CPPED1: variants seen among roughly 807,000 people sequenced by gnomAD.
CPPED1 encodes calcineurin like phosphoesterase domain containing 1.
A neutral mutation model predicts 28.0 loss-of-function variants in CPPED1; 28 were observed. The ratio of observed to expected loss-of-function variants is 1.00; its 90% confidence interval spans 0.74 to 1.37. The LOEUF is 1.37. Ranked by LOEUF, CPPED1 falls within the 40% of genes most tolerant of loss-of-function variation. CPPED1 has a pLI of 0.00. For missense variants in CPPED1, 504 were observed against 416.5 expected (o/e 1.21, Z -1.83); for synonymous variants, 198 against 180.2 (o/e 1.10, Z -0.79).
chr16:12,663,432 G>A lies in CPPED1; in HGVS notation c.*1454C>T, dbSNP rs1274958995. The A allele has an allele frequency of 1.3e-5, 2 of 152,106 alleles. No homozygotes were observed. The highest frequency in any genetic ancestry group is 1.3e-4 in the Admixed American group (2 of 15,252). The allele number at this position is 152,106 out of a possible 1,614,324, so 9.4% of individuals were successfully genotyped here. Reference sequence around the variant, plus strand: ...TTGACCTCCTATACCTACACCTGTTGTAAAGAAACAAATACAAAACAGGAT... The same window carrying A: ...TTGACCTCCTATACCTACACCTGTTATAAAGAAACAAATACAAAACAGGAT... On this transcript the variant is annotated 3_prime_UTR_variant, in exon 4 of 4. Coordinates refer to ENST00000381774, the MANE Select transcript of CPPED1 (RefSeq NM_018340.3).
At chr16:12,674,532 C>A (rs182522552) in intron 3 of CPPED1, among the ~76,000 whole-genome samples, 87 of 152,258 alleles carry the variant, frequency 5.7e-4, no homozygotes, top group African/African-American at 1.9e-3. Flanking sequence ...GTAAGGGCAA[C>A]CGCTCCAGGT....
chr16:12,715,646 C>A (rs8044840), intron 2 of CPPED1, among the ~76,000 whole-genome samples: 2 of 151,932 alleles, frequency 1.3e-5, no homozygotes, highest in African/African-American at 2.4e-5. Context: ...AGCAACAGAG[C>A]GAGACTCCAT....
chr16:12,664,720 A>G lies in CPPED1; in HGVS notation c.*166T>C, dbSNP rs765744731. On this transcript the variant is annotated 3_prime_UTR_variant, in exon 4 of 4. Coordinates refer to ENST00000381774, the MANE Select transcript of CPPED1 (RefSeq NM_018340.3). This position sits in a 1 kb window ranked among gnomAD's most constrained non-coding sequence, Gnocchi z 4.2. ...AAGGAAATGCAGTTCTATTTTGAAT[A>G]TAATTCAGGACAGGGCCCCAGCTCT... 7.5e-5 allele frequency: 110 copies of G among 1,458,574 alleles called. No individual in the cohort carries two copies. Among genetic ancestry groups the G allele is most frequent in the Non-Finnish European group, 9.7e-5 (108 of 1,117,992 alleles). The allele number at this position is 1,458,574 out of a possible 1,614,324, so 90.4% of individuals were successfully genotyped here. A position where few individuals can be genotyped will look rare whatever the true frequency, so the allele number is the denominator to read the frequency against.
intron 2 of CPPED1, among the ~76,000 whole-genome samples, chr16:12,774,653 G>A (rs776634647): frequency 2.9e-4 from 44 of 152,170 alleles, no homozygotes; most frequent in Admixed American, 5.9e-4. Flanking sequence ...ATGTTGAAAC[G>A]TAATCCCCAG....
Position 12,670,588 on chromosome 16 carries a change from T to C in CPPED1, c.716-5473A>G, listed in dbSNP as rs1308146227. ...GATAAGTCACATGATTAGTATGTGC[T>C]CTTGATATGAATGTGATAGAAATGG... On this transcript the variant is annotated intron_variant, in intron 3 of 3. Coordinates refer to ENST00000381774, the MANE Select transcript of CPPED1 (RefSeq NM_018340.3). This position sits in a 1 kb window ranked among gnomAD's most constrained non-coding sequence, Gnocchi z 4.2. Among the ~76,000 whole-genome samples, 1 of 152,182 alleles carries C rather than the reference T, an allele frequency of 6.6e-6. No homozygotes were observed. The highest frequency in any genetic ancestry group is 1.5e-5 in the Non-Finnish European group (1 of 68,032).
At chr16:12,679,106 C>A (rs1222447926) in intron 3 of CPPED1, among the ~76,000 whole-genome samples, 1 of 152,142 alleles carries the variant, frequency 6.6e-6, no homozygotes, top group Non-Finnish European at 1.5e-5. Context: ...AAAAGCCTTG[C>A]AAAGATTAAA....
At chr16:12,731,682 C>A (rs1244169782) in intron 2 of CPPED1, among the ~76,000 whole-genome samples, 1 of 151,612 alleles carries the variant, frequency 6.6e-6, no homozygotes, top group Non-Finnish European at 1.5e-5. Context: ...GGCCTCCCTC[C>A]CCCGCATTTG....
intron 2 of CPPED1, among the ~76,000 whole-genome samples, chr16:12,761,542 A>G (rs1421601546): frequency 6.6e-6 from 1 of 152,222 alleles, no homozygotes; most frequent in Non-Finnish European, 1.5e-5. Context: ...AATTTCTAGT[A>G]GCCGCTTAGG....
Position 12,687,981 on chromosome 16 carries a change from T to C in CPPED1, c.715+16643A>G, listed in dbSNP as rs533956401. 2.1e-3 allele frequency among the ~76,000 whole-genome samples: 310 copies of C among 150,578 alleles called. 1 individual carries two copies. Among genetic ancestry groups the C allele is most frequent in the African/African-American group, 7.4e-3 (305 of 41,190 alleles). ...GAAGGAAGAAGAAGGAGGAATGGAA[T>C]GTCACTAACATGAAAGTCACAAGGC... On this transcript the variant is annotated intron_variant, in intron 3 of 3. Transcript: ENST00000381774.
In CPPED1 at chr16:12,663,061, G is replaced by GT. The variant is rs3074348; in HGVS notation, c.*1824dup. On this transcript the variant is annotated 3_prime_UTR_variant, in exon 4 of 4. Transcript: ENST00000381774. ...TCAAGTCTCAATGTGTGTGTGTGTG[G>GT]TTTTTTTTTTTTTTTTTTGAGACAG... The GT allele has an allele frequency of 0.12, 15,652 of 130,942 alleles. 2,258 individuals carry two copies. The highest frequency in any genetic ancestry group is 0.35 in the African/African-American group (12,339 of 35,548). 8.1% of individuals were successfully genotyped at this position (130,942 alleles called of 1,614,324 possible). A position where few individuals can be genotyped will look rare whatever the true frequency, so the allele number is the denominator to read the frequency against.
At chr16:12,683,076 A>G (rs1447949611) in intron 3 of CPPED1, among the ~76,000 whole-genome samples, 2 of 152,224 alleles carry the variant, frequency 1.3e-5, no homozygotes, top group Non-Finnish European at 2.9e-5. Context: ...AATTTGTTCA[A>G]GATGAAATTT....
At chr16:12,703,937 C>T (rs887040661) in intron 3 of CPPED1, among the ~76,000 whole-genome samples, 5 of 152,052 alleles carry the variant, frequency 3.3e-5, no homozygotes, top group African/African-American at 1.2e-4. Flanking sequence ...TCATTCTGTG[C>T]GTGCACGTGT....
intron 2 of CPPED1, among the ~76,000 whole-genome samples, chr16:12,745,371 G>A (rs938289515): frequency 2.8e-4 from 42 of 152,144 alleles, no homozygotes; most frequent in African/African-American, 9.2e-4. Flanking sequence ...ACATGCATGC[G>A]AATGTGCACT....
rs188400950 is a variant in CPPED1 at position 12,735,298 on chromosome 16, A to T, written c.290-30249T>A. Among the ~76,000 whole-genome samples the T allele has an allele frequency of 6.7e-3, 1,019 of 152,220 alleles. 6 individuals carry two copies. Among genetic ancestry groups the T allele is most frequent in the Middle Eastern group, 0.034 (10 of 294 alleles). ...CCAATGGCCCCTTCCCCAAAAATAT[A>T]TATATTTTTTTTAGATGGAGTCTTG... is the stretch of plus-strand genomic sequence containing the variant. On this transcript the variant is annotated intron_variant, in intron 2 of 3. Transcript: ENST00000381774.
intron 2 of CPPED1, among the ~76,000 whole-genome samples, chr16:12,710,755 A>G (rs1235320152): frequency 6.6e-6 from 1 of 152,244 alleles, no homozygotes; most frequent in East Asian, 1.9e-4. Flanking sequence ...ACGACTACTT[A>G]TTAAAGAAAT....
chr16:12,704,935 G>T lies in CPPED1; in HGVS notation c.404C>A (p.Thr135Lys), dbSNP rs758255991. ...GCAGAACTCCTCGACGGTCTCGGCCGTGGGGGTGTTGCCAATGTCATGGTT... is the reference window on the plus strand; with the variant it reads ...GCAGAACTCCTCGACGGTCTCGGCCTTGGGGGTGTTGCCAATGTCATGGTT... ...SGNHDIGNTP[T>K]AETVEEFCRT... Residue 135 changes from threonine (T) to lysine (K), a missense_variant, in exon 3 of 4, where the codon ACG becomes AAG. By Grantham distance (78) the Thr-to-Lys change is moderately conservative (BLOSUM62 -1). Transcript: ENST00000381774. 2.5e-6 allele frequency: 4 copies of T among 1,614,176 alleles called. No homozygotes were observed. Among genetic ancestry groups the T allele is most frequent in the South Asian group, 1.1e-5 (1 of 91,072 alleles).
In CPPED1 at chr16:12,765,690, T is replaced by G. The variant is rs149625548; in HGVS notation, c.289+15495A>C. Among the ~76,000 whole-genome samples, 19 of 152,320 alleles carry G rather than the reference T, an allele frequency of 1.2e-4. No individual in the cohort carries two copies. In the East Asian group the frequency reaches 3.7e-3, roughly 29 times the overall value. On this transcript the variant is annotated intron_variant, in intron 2 of 3. Transcript: ENST00000381774. ...TTTTCTACAAACCAAATAATACATA[T>G]TGAATAGAACCTACCATGGCTTTCC...
chr16:12,705,208 C>A (rs895884932), intron 2 of CPPED1, among the ~76,000 whole-genome samples, 159 bp from the exon 3 acceptor site: 5 of 152,230 alleles, frequency 3.3e-5, no homozygotes, highest in African/African-American at 1.2e-4. Context: ...GTGCTAAAAG[C>A]AAACCAACAA....
At chr16:12,735,361 G>A (rs984304281) in intron 2 of CPPED1, among the ~76,000 whole-genome samples, 9 of 152,220 alleles carry the variant, frequency 5.9e-5, no homozygotes, top group Non-Finnish European at 8.8e-5. Context: ...GCATGATCTC[G>A]GCTCACTGCA....
Sources: allele counts gnomAD v4.1 joint callset (sites outside exome capture counted in the v4.1 genomes callset), GRCh38; gene constraint gnomAD v4.1.1; non-coding constraint Gnocchi (gnomAD v3.1); transcripts MANE v1.5; gene names NCBI Gene and HGNC (gene_info 2026-07-23, HGNC 2026-07-21).